Variants in ANKS1B observed in about 807,000 individuals in gnomAD.
ANKS1B encodes ankyrin repeat and sterile alpha motif domain containing 1B.
In ANKS1B, 36 loss-of-function variants were observed where a neutral mutation model predicts 148.3. The ratio of observed to expected loss-of-function variants is 0.24; its 90% confidence interval spans 0.19 to 0.32. The LOEUF is 0.32. Among genes scored for constraint, ANKS1B ranks in the 10% least tolerant of loss-of-function variants. The pLI, the probability that ANKS1B is intolerant of heterozygous loss-of-function variation, is 1.00. For missense variants in ANKS1B, 1,157 were observed against 1,542.6 expected (o/e 0.75, Z 4.19); for synonymous variants, 542 against 560.8 (o/e 0.97, Z 0.47).
At chr12:99,790,406 CA>C (rs1252681168) in intron 4 of ANKS1B, among the ~76,000 whole-genome samples, 3 of 151,916 alleles carry the variant, frequency 2.0e-5, no homozygotes, top group Admixed American at 2.0e-4. Flanking sequence ...AATTAATAAG[CA>C]ATAAGAAATC....
intron 15 of ANKS1B, among the ~76,000 whole-genome samples, chr12:99,088,572 C>T (rs1052615346): frequency 3.3e-5 from 5 of 151,844 alleles, no homozygotes; most frequent in Non-Finnish European, 5.9e-5. Flanking sequence ...TTTGACAAAT[C>T]AATCTTGGTA....
intron 10 of ANKS1B, among the ~76,000 whole-genome samples, chr12:99,489,238 T>C (rs1414029170): frequency 4.8e-5 from 6 of 125,474 alleles, no homozygotes; most frequent in Admixed American, 4.4e-4. Context: ...CAAGACTCCA[T>C]CTCAGAAAAA....
chr12:99,079,411 C>A (rs1190271147), intron 16 of ANKS1B, among the ~76,000 whole-genome samples: 1 of 152,002 alleles, frequency 6.6e-6, no homozygotes, highest in Non-Finnish European at 1.5e-5. Flanking sequence ...ATATGTAGCT[C>A]CAATAAATAT....
At chr12:99,297,851 A>G (rs2081096669) in intron 12 of ANKS1B, among the ~76,000 whole-genome samples, 1 of 152,072 alleles carries the variant, frequency 6.6e-6, no homozygotes, top group Non-Finnish European at 1.5e-5. Flanking sequence ...ATAACTCTTC[A>G]TGATCAATCT....
chr12:99,052,186 G>T (rs2099966544), intron 17 of ANKS1B, among the ~76,000 whole-genome samples: 1 of 152,110 alleles, frequency 6.6e-6, no homozygotes, highest in African/African-American at 2.4e-5. Flanking sequence ...AATAACAAAA[G>T]TAAAAATGCA....
intron 8 of ANKS1B, among the ~76,000 whole-genome samples, chr12:99,713,811 C>G (rs1207682530): frequency 6.6e-6 from 1 of 152,116 alleles, no homozygotes; most frequent in African/African-American, 2.4e-5. Context: ...GAAATCTAGG[C>G]TTTTCTATCA....
chr12:98,985,429 A>G (rs2099922718), intron 17 of ANKS1B, among the ~76,000 whole-genome samples: 1 of 151,862 alleles, frequency 6.6e-6, no homozygotes, highest in African/African-American at 2.4e-5. Flanking sequence ...TTTTTATCCA[A>G]TTTATTTTCT....
chr12:99,124,160 T>C (rs370832892), intron 15 of ANKS1B, among the ~76,000 whole-genome samples: 6 of 152,136 alleles, frequency 3.9e-5, no homozygotes, highest in East Asian at 3.8e-4. Context: ...CCAGAGACTC[T>C]ACGTAGGGGC....
At position 99,732,775 on chromosome 12, in the gene ANKS1B, T is replaced by A. The variant is rs529358868; in HGVS notation, c.1128+40147A>T. 6.6e-5 allele frequency among the ~76,000 whole-genome samples: 10 copies of A among 152,328 alleles called. No homozygotes were observed. The East Asian group carries it at 1.9e-3, about 29-fold the overall frequency. On this transcript the variant is annotated intron_variant, in intron 8 of 26. Coordinates refer to ENST00000683438, the MANE Select transcript of ANKS1B (RefSeq NM_001352186.2). ...TTTAAAAAGGTCAATAGAAGCAATGTATTAAATAGTTTAATAGTAGAGAAA... is the reference window on the plus strand; with the variant it reads ...TTTAAAAAGGTCAATAGAAGCAATGAATTAAATAGTTTAATAGTAGAGAAA...
chr12:99,846,330 C>T (rs1247009942), intron 1 of ANKS1B, among the ~76,000 whole-genome samples: 1 of 151,722 alleles, frequency 6.6e-6, no homozygotes, highest in South Asian at 2.1e-4. Flanking sequence ...TTCTTTATTC[C>T]TTTCTAGCTA....
intron 10 of ANKS1B, among the ~76,000 whole-genome samples, chr12:99,465,792 G>A (rs1271047644): frequency 6.6e-6 from 1 of 152,070 alleles, no homozygotes; most frequent in African/African-American, 2.4e-5. Flanking sequence ...GATTCATAAA[G>A]CAAGTCCTAA....
At chr12:99,704,854 C>G (rs2055471281) in intron 8 of ANKS1B, among the ~76,000 whole-genome samples, 1 of 151,984 alleles carries the variant, frequency 6.6e-6, no homozygotes, top group Non-Finnish European at 1.5e-5. Flanking sequence ...ATATGTATAT[C>G]TTCTTTCACT....
chr12:98,800,511 C>T (rs2098993051), intron 21 of ANKS1B, among the ~76,000 whole-genome samples: 2 of 151,950 alleles, frequency 1.3e-5, no homozygotes, highest in South Asian at 2.1e-4. Flanking sequence ...ATTAATTCCC[C>T]TCTTCTAAAA....
rs116871239 is a variant in ANKS1B at position 99,210,275 on chromosome 12, C to T, written c.2419+34067G>A. On this transcript the variant is annotated intron_variant, in intron 14 of 26. Coordinates refer to ENST00000683438, the MANE Select transcript of ANKS1B (RefSeq NM_001352186.2). ...GTTGAGCCACTTGTCATGTTTCTTTCCTCTTTCTTTAACTCTTACAGACAG... is the reference window on the plus strand; with the variant it reads ...GTTGAGCCACTTGTCATGTTTCTTTTCTCTTTCTTTAACTCTTACAGACAG... Among the ~76,000 whole-genome samples, 833 of 152,246 alleles carry T rather than the reference C, an allele frequency of 5.5e-3. 15 individuals carry two copies. The highest frequency in any genetic ancestry group is 0.047 in the South Asian group (229 of 4,824).
chr12:99,326,842 A>G (rs73143021), intron 12 of ANKS1B, among the ~76,000 whole-genome samples: 1,722 of 151,170 alleles, frequency 0.011, 23 homozygotes, highest in Non-Finnish European at 0.019. Flanking sequence ...AGTTTTCCAC[A>G]TAAGGTGGAT....
chr12:99,138,771 T>C (rs2069011828), intron 15 of ANKS1B, among the ~76,000 whole-genome samples: 1 of 152,142 alleles, frequency 6.6e-6, no homozygotes, highest in African/African-American at 2.4e-5. Context: ...CATTGTTCCA[T>C]TCACTGTTAT....
At chr12:99,757,594 A>G (rs369016420) in intron 8 of ANKS1B, among the ~76,000 whole-genome samples, 3 of 152,208 alleles carry the variant, frequency 2.0e-5, no homozygotes, top group East Asian at 1.9e-4. Context: ...CTGGGTATAT[A>G]CCCAATGGAA....
Position 99,399,699 on chromosome 12 carries a change from G to C in ANKS1B, c.1688C>G (p.Pro563Arg). 1 of 1,613,522 alleles carries C rather than the reference G, an allele frequency of 6.2e-7. No homozygotes were observed. The highest frequency in any genetic ancestry group is 8.5e-7 in the Non-Finnish European group (1 of 1,179,542). Residue 563 changes from proline (P) to arginine (R), a missense_variant, in exon 12 of 27, where the codon CCT becomes CGT. Pro to Arg is a moderately radical substitution (Grantham distance 103). Around this residue, in one of 6 missense-constraint regions of ANKS1B, gnomAD observed 661 missense variants for 642.1 expected, o/e 1.03. Transcript: ENST00000683438. The part of the protein sequence containing the change: ...STGCTSFTAS[P>R]PASPPTSSVG... Reference sequence around the variant, plus strand: ...AGAAGAGGTGGGTGGACTAGCAGGAGGACTGGCAGTAAAGCTTGTGCACCC... The same window carrying C: ...AGAAGAGGTGGGTGGACTAGCAGGACGACTGGCAGTAAAGCTTGTGCACCC...
At chr12:99,834,804 CAT>C (rs2084570934) in intron 1 of ANKS1B, among the ~76,000 whole-genome samples, 1 of 152,180 alleles carries the variant, frequency 6.6e-6, no homozygotes, top group South Asian at 2.1e-4. Flanking sequence ...ACCCCTGACA[CAT>C]GAGATCACGC....
Sources: allele counts gnomAD v4.1 joint callset (sites outside exome capture counted in the v4.1 genomes callset), GRCh38; gene constraint gnomAD v4.1.1; regional missense constraint gnomAD v4.1.1; transcripts MANE v1.5; gene names NCBI Gene and HGNC (gene_info 2026-07-23, HGNC 2026-07-21).